Variants in NEGR1 observed in about 807,000 individuals in gnomAD.
The protein encoded by NEGR1 is neuronal growth regulator 1.
Under a neutral mutation model 40.9 loss-of-function variants are expected in NEGR1, and 10 were observed. That is an observed-to-expected ratio of 0.24 (90% CI 0.15 to 0.42). The LOEUF is 0.42. NEGR1 is among the 10% of genes least tolerant of loss of function. The pLI is 1.00. For synonymous variants in NEGR1, 185 were observed against 166.8 expected (o/e 1.11, Z -0.84); for missense variants, 352 against 438.9 (o/e 0.80, Z 1.77).
chr1:71,610,852 G>A (rs1650226943), intron 5 of NEGR1, among the ~76,000 whole-genome samples, 174 bp downstream of exon 5: 1 of 152,120 alleles, frequency 6.6e-6, no homozygotes, highest in Non-Finnish European at 1.5e-5. Context: ...CATTTCTTCT[G>A]GATGCTATTA....
At chr1:72,088,796 C>CTTTTTTTTTTTTTTTT (rs71074816) in intron 1 of NEGR1, among the ~76,000 whole-genome samples, 3 of 74,906 alleles carry the variant, frequency 4.0e-5, no homozygotes, top group Non-Finnish European at 5.1e-5. Flanking sequence ...CTCTCTCTCT[C>CTTTTTTTTTTTTTTTT]TTTTTTTTTT....
chr1:72,206,783 C>G (rs1653416216), intron 1 of NEGR1, among the ~76,000 whole-genome samples: 1 of 151,864 alleles, frequency 6.6e-6, no homozygotes, highest in Non-Finnish European at 1.5e-5. Flanking sequence ...TCTAAAATAG[C>G]TAAAATTTCA....
intron 1 of NEGR1, among the ~76,000 whole-genome samples, chr1:72,214,849 CGA>C (rs1491243647): frequency 3.1e-4 from 33 of 104,858 alleles, no homozygotes; most frequent in Non-Finnish European, 6.1e-4. Flanking sequence ...TCAGAATTAG[CGA>C]AAAAAAAAAA....
chr1:71,414,012 T>G (rs1242421736), intron 6 of NEGR1, among the ~76,000 whole-genome samples: 1 of 152,202 alleles, frequency 6.6e-6, no homozygotes, highest in Non-Finnish European at 1.5e-5. Context: ...CTTTGAGTCA[T>G]GTTTTTAAGA....
intron 2 of NEGR1, among the ~76,000 whole-genome samples, chr1:71,790,634 C>A (rs893421036): frequency 1.3e-5 from 2 of 151,844 alleles, no homozygotes; most frequent in African/African-American, 4.8e-5. Flanking sequence ...AATAAAGTAT[C>A]CTAAACAAGA....
intron 1 of NEGR1, among the ~76,000 whole-genome samples, chr1:71,953,217 C>T (rs552314465): frequency 6.6e-6 from 1 of 151,982 alleles, no homozygotes; most frequent in African/African-American, 2.4e-5. Flanking sequence ...TATGGGCAAA[C>T]TAAGTTAAAC....
chr1:71,674,011 G>A (rs1243285457), intron 4 of NEGR1, among the ~76,000 whole-genome samples: 1 of 151,696 alleles, frequency 6.6e-6, no homozygotes, highest in African/African-American at 2.4e-5. Flanking sequence ...TACAACTGTT[G>A]GTATTTAACG....
intron 1 of NEGR1, among the ~76,000 whole-genome samples, chr1:72,247,314 T>C (rs1654934074): frequency 6.6e-6 from 1 of 152,204 alleles, no homozygotes; most frequent in African/African-American, 2.4e-5. Context: ...GCCAGGCTGC[T>C]AATTTTCCAA....
At chr1:71,595,894 A>G (rs1463257564) in intron 5 of NEGR1, among the ~76,000 whole-genome samples, 1 of 152,184 alleles carries the variant, frequency 6.6e-6, no homozygotes, top group Non-Finnish European at 1.5e-5. Context: ...TCTCTAATTG[A>G]TGACATGTTT....
At chr1:71,754,147 G>A (rs1200388958) in intron 3 of NEGR1, among the ~76,000 whole-genome samples, 1 of 152,108 alleles carries the variant, frequency 6.6e-6, no homozygotes, top group Non-Finnish European at 1.5e-5. Context: ...GACAGGAAAG[G>A]CTCCAGTAGC....
chr1:71,430,974 C>G (rs937336314), intron 6 of NEGR1, among the ~76,000 whole-genome samples: 26 of 151,994 alleles, frequency 1.7e-4, no homozygotes, highest in Non-Finnish European at 3.2e-4. Context: ...GTCTCGATCT[C>G]CTGACCTCGT....
At chr1:71,843,042 T>C (rs148236707) in intron 2 of NEGR1, among the ~76,000 whole-genome samples, 181 of 152,316 alleles carry the variant, frequency 1.2e-3, no homozygotes, top group African/African-American at 4.2e-3. Context: ...GAAATTATTT[T>C]ACATTTTTAA....
intron 1 of NEGR1, among the ~76,000 whole-genome samples, chr1:72,195,344 T>C (rs1413351525): frequency 6.6e-6 from 1 of 151,996 alleles, no homozygotes; most frequent in African/African-American, 2.4e-5. Context: ...TTCAAATTAA[T>C]TGTTTTCCTA....
chr1:71,793,447 C>A (rs936862206), intron 2 of NEGR1, among the ~76,000 whole-genome samples: 2 of 149,402 alleles, frequency 1.3e-5, no homozygotes, highest in African/African-American at 4.9e-5. Context: ...AACAGGCCTA[C>A]ACAGTTTTAT....
intron 1 of NEGR1, among the ~76,000 whole-genome samples, chr1:72,221,502 G>T (rs1654010244): frequency 6.6e-6 from 1 of 151,950 alleles, no homozygotes; most frequent in South Asian, 2.1e-4. Flanking sequence ...CAAAATCACA[G>T]AATTTTAGAA....
intron 5 of NEGR1, among the ~76,000 whole-genome samples, chr1:71,595,806 G>C (rs1649689687): frequency 1.3e-5 from 2 of 152,044 alleles, no homozygotes; most frequent in African/African-American, 4.8e-5. Context: ...ATAAATTTGA[G>C]CCACAGCTAG....
intron 6 of NEGR1, among the ~76,000 whole-genome samples, chr1:71,473,016 T>A (rs1045128588): frequency 6.6e-6 from 1 of 152,014 alleles, no homozygotes; most frequent in African/African-American, 2.4e-5. Context: ...TTTAAAAATG[T>A]ATGTATCTGA....
At chr1:71,782,529 A>T (rs913328485) in intron 2 of NEGR1, among the ~76,000 whole-genome samples, 6 of 152,082 alleles carry the variant, frequency 3.9e-5, no homozygotes, top group Non-Finnish European at 8.8e-5. Flanking sequence ...TATTATCTGT[A>T]TCTCTTCATA....
At chr1:72,023,486 C>T (rs138522649) in intron 1 of NEGR1, among the ~76,000 whole-genome samples, 349 of 151,828 alleles carry the variant, frequency 2.3e-3, no homozygotes, top group African/African-American at 8.0e-3. Flanking sequence ...TGCAAATTCT[C>T]CCACATAGAA....
Sources: gnomAD v4.1 joint callset for allele counts (sites outside exome capture counted in the v4.1 genomes callset) on GRCh38, gnomAD v4.1.1 for gene constraint, MANE v1.5 for transcripts, NCBI Gene and HGNC (gene_info 2026-07-23, HGNC 2026-07-21) for gene names.